The following SH2D4A variants were observed in gnomAD, a reference collection of about 807,000 sequenced individuals.
SH2D4A encodes SH2 domain-containing protein 4A.
SH2D4A carries 70 observed loss-of-function variants against 64.7 expected under a neutral mutation model. The ratio of observed to expected loss-of-function variants is 1.08; its 90% CI spans 0.89 to 1.32. SH2D4A has a LOEUF of 1.32. SH2D4A is among the 40% of genes most tolerant of loss of function. The pLI is 0.00. For missense variants in SH2D4A, 706 were observed against 540.1 expected (o/e 1.31, Z -3.04); for synonymous variants, 268 against 200.7 (o/e 1.34, Z -2.83).
intron 1 of SH2D4A, among the ~76,000 whole-genome samples, chr8:19,317,357 G>T (rs1322638652): frequency 8.1e-6 from 1 of 123,966 alleles, no homozygotes; most frequent in East Asian, 2.3e-4. Context: ...GTATCTCAAT[G>T]CAAAATACAA....
intron 2 of SH2D4A, among the ~76,000 whole-genome samples, chr8:19,330,647 G>GGCTGTTCTGGA (rs1473616345): frequency 1.3e-5 from 2 of 152,112 alleles, no homozygotes; most frequent in African/African-American, 2.4e-5. Context: ...AGCCCCTGGA[G>GGCTGTTCTGGA]GCTGTTCTGG....
At chr8:19,383,889 T>C (rs923817388) in intron 8 of SH2D4A, among the ~76,000 whole-genome samples, 2 of 152,340 alleles carry the variant, frequency 1.3e-5, no homozygotes, top group East Asian at 3.9e-4. Flanking sequence ...TTGGATTTTC[T>C]TCTCTGTAAA....
intron 4 of SH2D4A, among the ~76,000 whole-genome samples, chr8:19,336,509 C>G (rs1016870127): frequency 7.2e-5 from 11 of 152,152 alleles, no homozygotes; most frequent in Non-Finnish European, 1.5e-4. Context: ...CCTTCCCACA[C>G]CCCTCCAACC....
intron 8 of SH2D4A, among the ~76,000 whole-genome samples, chr8:19,378,944 T>G (rs1177225725): frequency 5.0e-5 from 7 of 140,558 alleles, no homozygotes; most frequent in Non-Finnish European, 8.0e-5. Flanking sequence ...TTGCCAGGCA[T>G]GGCGGTGCAT....
chr8:19,361,159 T>TGTTTA (rs1322266950), intron 5 of SH2D4A, 44 bp from the exon 6 acceptor site: 1 of 1,238,974 alleles, frequency 8.1e-7, no homozygotes, highest in Non-Finnish European at 1.1e-6. Context: ...GTTCTTTTTT[T>TGTTTA]GTTTTGTTTT....
In SH2D4A at chr8:19,365,227, G is replaced by A. The variant is rs115358579; in HGVS notation, c.917+945G>A. Among the ~76,000 whole-genome samples, 1,302 of 152,264 alleles carry A rather than the reference G, an allele frequency of 8.6e-3. 10 individuals are homozygous for A. Among genetic ancestry groups the A allele is most frequent in the African/African-American group, 0.03 (1,244 of 41,554 alleles). ...TGACCTCAGGGGAAACACAAAGGCG[G>A]ATGTTTTTCTTTGCTGTAATTATTT... On this transcript the variant is annotated intron_variant, in intron 7 of 9. Coordinates refer to ENST00000265807, the MANE Select transcript of SH2D4A (RefSeq NM_022071.4).
intron 4 of SH2D4A, among the ~76,000 whole-genome samples, chr8:19,345,857 C>T (rs1427316045): frequency 6.6e-6 from 1 of 152,194 alleles, no homozygotes; most frequent in Non-Finnish European, 1.5e-5. Context: ...GAATGGAAGA[C>T]TTGCCCCAGT....
At chr8:19,381,422 A>G (rs902640433) in intron 8 of SH2D4A, among the ~76,000 whole-genome samples, 1 of 152,112 alleles carries the variant, frequency 6.6e-6, no homozygotes, top group African/African-American at 2.4e-5. Flanking sequence ...CTTTTTGATG[A>G]TAATGTAAAT....
chr8:19,325,824 T>C (rs879821952), intron 2 of SH2D4A, among the ~76,000 whole-genome samples: 4 of 152,218 alleles, frequency 2.6e-5, no homozygotes, highest in Non-Finnish European at 5.9e-5. Flanking sequence ...CTAACAAATA[T>C]AGGAAATAAT....
intron 6 of SH2D4A, among the ~76,000 whole-genome samples, chr8:19,362,688 C>T (rs1044407248): frequency 6.6e-6 from 1 of 151,546 alleles, no homozygotes; most frequent in African/African-American, 2.4e-5. Flanking sequence ...TGCAGTGAGC[C>T]GAGATCGTAC....
At chr8:19,315,515 T>C (rs1270174138) in intron 1 of SH2D4A, among the ~76,000 whole-genome samples, 2 of 152,212 alleles carry the variant, frequency 1.3e-5, no homozygotes, top group South Asian at 2.1e-4. Context: ...CAAAAGACAG[T>C]TGTATTGTAG....
chr8:19,320,090 A>T (rs2052162676), intron 2 of SH2D4A, among the ~76,000 whole-genome samples: 2 of 152,220 alleles, frequency 1.3e-5, no homozygotes, highest in Admixed American at 6.5e-5. Context: ...TTCTTGTGTC[A>T]GTATATTTAT....
chr8:19,313,806 C>A lies in SH2D4A; in HGVS notation c.-222C>A. The A allele has an allele frequency of 6.6e-7, 1 of 1,507,736 alleles. No individual in the cohort carries two copies. The highest frequency in any genetic ancestry group is 8.8e-7 in the Non-Finnish European group (1 of 1,133,754). The allele number at this position is 1,507,736 out of a possible 1,614,324, so 93.4% of individuals were successfully genotyped here. On this transcript the variant is annotated 5_prime_UTR_variant, in exon 1 of 10. Transcript: ENST00000265807. ...TGGCGGGTGATCGAGCCACCCTGCC[C>A]AGGGGCGCCCAGCACTGGTAGGTGC...
At chr8:19,317,935 T>G (rs1042912622) in intron 1 of SH2D4A, among the ~76,000 whole-genome samples, 1 of 152,130 alleles carries the variant, frequency 6.6e-6, no homozygotes, top group Non-Finnish European at 1.5e-5. Flanking sequence ...AGAGTCTCCC[T>G]CTGTTGCCCA....
intron 4 of SH2D4A, among the ~76,000 whole-genome samples, chr8:19,349,628 C>G (rs1037086544): frequency 6.6e-6 from 1 of 152,094 alleles, no homozygotes; most frequent in Non-Finnish European, 1.5e-5. Flanking sequence ...CTAAGTTTCC[C>G]AATCCATAAA....
chr8:19,370,888 T>C (rs965052503), intron 7 of SH2D4A, among the ~76,000 whole-genome samples: 7 of 152,252 alleles, frequency 4.6e-5, no homozygotes, highest in East Asian at 1.9e-4. Context: ...GTATCTGTTA[T>C]AGATTTTTGC....
intron 4 of SH2D4A, among the ~76,000 whole-genome samples, chr8:19,351,679 A>G (rs950467499): frequency 1.3e-5 from 2 of 152,166 alleles, no homozygotes; most frequent in African/African-American, 4.8e-5. Context: ...CTTCATTTTC[A>G]TCTTTACCAT....
chr8:19,324,852 CAG>C (rs973910163), intron 2 of SH2D4A, among the ~76,000 whole-genome samples: 2 of 152,120 alleles, frequency 1.3e-5, no homozygotes, highest in Non-Finnish European at 2.9e-5. Context: ...CATAGACTCT[CAG>C]GGGTTCGCAG....
chr8:19,389,964 A>G (rs897655350), intron 8 of SH2D4A, among the ~76,000 whole-genome samples: 3 of 152,222 alleles, frequency 2.0e-5, no homozygotes, highest in African/African-American at 7.2e-5. Flanking sequence ...CAGAGAGGGC[A>G]GGTCAGAGGG....
Sources: gnomAD v4.1 joint callset for allele counts (sites outside exome capture counted in the v4.1 genomes callset) on GRCh38, gnomAD v4.1.1 for gene constraint, MANE v1.5 for transcripts, NCBI Gene and HGNC (gene_info 2026-07-23, HGNC 2026-07-21) for gene names.